The following DCDC2 variants were observed in gnomAD, a reference collection of about 807,000 sequenced individuals.
The protein encoded by DCDC2 is doublecortin domain containing 2.
A neutral mutation model predicts 50.2 loss-of-function variants in DCDC2; 40 were observed. The ratio of observed to expected loss-of-function variants is 0.80; its 90% CI spans 0.62 to 1.04. DCDC2 has a LOEUF of 1.04. DCDC2 is among the 50% of genes least tolerant of loss of function. The pLI, the probability that DCDC2 is intolerant of heterozygous loss-of-function variation, is 0.00. For synonymous variants in DCDC2, 234 were observed against 210.6 expected, an observed-to-expected ratio of 1.11 and a Z score of -0.96; for missense variants, 570 against 581.9, an observed-to-expected ratio of 0.98 and a Z score of 0.21.
the DCDC2 span, among the ~76,000 whole-genome samples, chr6:24,366,364 C>T: frequency 6.6e-6 from 1 of 152,042 alleles, no homozygotes; most frequent in African/African-American, 2.4e-5. Flanking sequence ...TTTATGTTGA[C>T]GGATTTGATA....
At chr6:24,252,178 T>C (rs2113799576) in intron 7 of DCDC2, among the ~76,000 whole-genome samples, 1 of 152,330 alleles carries the variant, frequency 6.6e-6, no homozygotes, top group Middle Eastern at 3.4e-3. Flanking sequence ...AAATACCAAG[T>C]TCCCTACAAA....
intron 1 of DCDC2, among the ~76,000 whole-genome samples, chr6:24,355,088 CT>C (rs1760441027): frequency 6.6e-6 from 1 of 152,124 alleles, no homozygotes; most frequent in African/African-American, 2.4e-5. Flanking sequence ...TTCTTGGCTT[CT>C]ATCATTATAA....
chr6:24,354,142 G>A (rs1760424228), intron 1 of DCDC2, among the ~76,000 whole-genome samples: 1 of 152,078 alleles, frequency 6.6e-6, no homozygotes. Flanking sequence ...GAAACAGATG[G>A]GTGGACTAGT....
intron 7 of DCDC2, among the ~76,000 whole-genome samples, chr6:24,206,969 T>C (rs991211468): frequency 2.0e-5 from 3 of 151,964 alleles, no homozygotes; most frequent in African/African-American, 7.3e-5. Flanking sequence ...CAGAAAGGAA[T>C]TCATAAGAAT....
intron 2 of DCDC2, among the ~76,000 whole-genome samples, chr6:24,318,780 C>CGTGTGTGTGTGTGTGTGT (rs57175093): frequency 0.012 from 1,830 of 149,648 alleles, 24 homozygotes; most frequent in African/African-American, 0.033. Flanking sequence ...TATATACGTA[C>CGTGTGTGTGTGTGTGTGT]GTGTGTGTGT....
chr6:24,194,129 C>G (rs57559071), intron 8 of DCDC2, among the ~76,000 whole-genome samples: 2 of 152,002 alleles, frequency 1.3e-5, no homozygotes, highest in Non-Finnish European at 2.9e-5. Flanking sequence ...TGAGAAATAG[C>G]TAAACTAGTT....
At chr6:24,212,176 G>A (rs903203590) in intron 7 of DCDC2, among the ~76,000 whole-genome samples, 8 of 152,126 alleles carry the variant, frequency 5.3e-5, no homozygotes, top group Admixed American at 5.2e-4. Context: ...ATCTGAGGTG[G>A]AACAGTTTCA....
At chr6:24,316,062 G>A (rs1239355298) in intron 2 of DCDC2, among the ~76,000 whole-genome samples, 1 of 152,180 alleles carries the variant, frequency 6.6e-6, no homozygotes, top group Non-Finnish European at 1.5e-5. Context: ...CAGTGATGCT[G>A]TCTACTGGGA....
intron 2 of DCDC2, among the ~76,000 whole-genome samples, chr6:24,316,910 AG>A (rs149461013): frequency 0.014 from 2,074 of 152,188 alleles, 34 homozygotes; most frequent in African/African-American, 0.045. Context: ...ACAATATAAG[AG>A]AAAAATAATG....
chr6:24,176,083 A>G (rs1760903172), intron 9 of DCDC2, among the ~76,000 whole-genome samples: 1 of 152,124 alleles, frequency 6.6e-6, no homozygotes, highest in Non-Finnish European at 1.5e-5. Flanking sequence ...GCTTGAGTCC[A>G]GGAGTTAAAA....
At chr6:24,185,427 G>T (rs888248625) in intron 8 of DCDC2, among the ~76,000 whole-genome samples, 4 of 152,098 alleles carry the variant, frequency 2.6e-5, no homozygotes, top group African/African-American at 9.7e-5. Context: ...AAATAAGACG[G>T]TAACATTAGT....
chr6:24,220,887 A>AGCGAGAGC (rs1554146345), intron 7 of DCDC2, among the ~76,000 whole-genome samples: 2 of 114,848 alleles, frequency 1.7e-5, no homozygotes, highest in African/African-American at 3.7e-5. Flanking sequence ...CGAGAGCGAG[A>AGCGAGAGC]GAGTGAGCGA....
chr6:24,278,531 T>C (rs1303468392), intron 6 of DCDC2, among the ~76,000 whole-genome samples: 2 of 152,188 alleles, frequency 1.3e-5, no homozygotes, highest in South Asian at 2.1e-4. Context: ...GCTAGTGAGA[T>C]AGACACTACT....
At chr6:24,193,484 G>T (rs934092950) in intron 8 of DCDC2, among the ~76,000 whole-genome samples, 1 of 152,186 alleles carries the variant, frequency 6.6e-6, no homozygotes, top group African/African-American at 2.4e-5. Context: ...GTATGTGAAT[G>T]TATCAAGAGG....
At chr6:24,293,469 T>C (rs961297719) in intron 4 of DCDC2, among the ~76,000 whole-genome samples, 2 of 152,136 alleles carry the variant, frequency 1.3e-5, no homozygotes, top group Non-Finnish European at 2.9e-5. Context: ...ATATCTGCCA[T>C]TACATTAAGA....
chr6:24,231,316 T>C (rs1234252504), intron 7 of DCDC2, among the ~76,000 whole-genome samples: 2 of 152,150 alleles, frequency 1.3e-5, no homozygotes, highest in African/African-American at 4.8e-5. Context: ...TCTGGCCCCA[T>C]CTAGGCCCTG....
the DCDC2 span, among the ~76,000 whole-genome samples, chr6:24,375,322 G>A: frequency 0.54 from 81,310 of 151,732 alleles, 23,901 homozygotes; most frequent in East Asian, 0.8. Flanking sequence ...GAGAGCCTAT[G>A]AGGCCGGGTC....
intron 2 of DCDC2, among the ~76,000 whole-genome samples, chr6:24,339,483 A>AT (rs1347289076): frequency 6.6e-6 from 1 of 152,062 alleles, no homozygotes; most frequent in Non-Finnish European, 1.5e-5. Context: ...TGTGATGTTA[A>AT]TTTTTTACCA....
chr6:24,307,840 C>T (rs1441294122), intron 2 of DCDC2, among the ~76,000 whole-genome samples: 3 of 151,674 alleles, frequency 2.0e-5, no homozygotes, highest in East Asian at 1.9e-4. Flanking sequence ...CTAGACTGAA[C>T]GGGCCCTATT....
Sources: allele counts gnomAD v4.1 joint callset (sites outside exome capture counted in the v4.1 genomes callset), GRCh38; gene constraint gnomAD v4.1.1; transcripts MANE v1.5; gene names NCBI Gene and HGNC (gene_info 2026-07-23, HGNC 2026-07-21).